PRKN: variants seen among roughly 807,000 people sequenced by gnomAD.
PRKN encodes parkin RBR E3 ubiquitin protein ligase, also known as E3 ubiquitin-protein ligase parkin.
A neutral mutation model predicts 59.5 loss-of-function variants in PRKN; 56 were observed. The observed-to-expected ratio is 0.94, with a 90% confidence interval of 0.76 to 1.18. The LOEUF (loss-of-function observed/expected upper bound fraction) is 1.18, where lower values mean the gene tolerates loss of function less well. PRKN is among the 50% of genes most tolerant of loss of function. The probability of loss-of-function intolerance (pLI) is 0.00; values close to 1 mark genes in which losing one functional copy is unlikely to be tolerated. For missense variants in PRKN, 657 were observed against 596.4 expected, an observed-to-expected ratio of 1.10 and a Z score of -1.06; for synonymous variants, 250 against 222.1, an observed-to-expected ratio of 1.13 and a Z score of -1.12.
chr6:161,832,252 C>A (rs1415961387), intron 6 of PRKN, among the ~76,000 whole-genome samples: 1 of 152,150 alleles, frequency 6.6e-6, no homozygotes, highest in Non-Finnish European at 1.5e-5. Flanking sequence ...CATAGAACCA[C>A]GTATTTTGAA....
At chr6:161,918,138 G>A (rs771411171) in intron 6 of PRKN, among the ~76,000 whole-genome samples, 3 of 152,248 alleles carry the variant, frequency 2.0e-5, no homozygotes, top group East Asian at 3.9e-4. Flanking sequence ...CTGCTGTGCG[G>A]GATTTCTAAC....
intron 3 of PRKN, among the ~76,000 whole-genome samples, chr6:162,223,445 A>G (rs1051337543): frequency 1.3e-5 from 2 of 151,908 alleles, no homozygotes; most frequent in Admixed American, 1.3e-4. Context: ...AGCAGTATAA[A>G]CTGCAGTAAT....
chr6:162,692,851 C>T (rs1480101988), intron 1 of PRKN, among the ~76,000 whole-genome samples: 1 of 152,102 alleles, frequency 6.6e-6, no homozygotes, highest in African/African-American at 2.4e-5. Context: ...TGAGTCCTTT[C>T]AGCAAATCAC....
chr6:161,516,529 GA>G (rs1468657473), intron 9 of PRKN, among the ~76,000 whole-genome samples: 28 of 105,080 alleles, frequency 2.7e-4, no homozygotes, highest in African/African-American at 8.6e-4. Flanking sequence ...AGAAGAAGAA[GA>G]AAAAGAAGAA....
intron 6 of PRKN, among the ~76,000 whole-genome samples, chr6:161,890,514 C>A (rs1035206257): frequency 6.6e-6 from 1 of 152,174 alleles, no homozygotes; most frequent in Non-Finnish European, 1.5e-5. Flanking sequence ...GAGTTTGGGA[C>A]TCATGGGCTG....
chr6:162,664,184 G>A (rs1779007458), intron 1 of PRKN, among the ~76,000 whole-genome samples: 2 of 152,060 alleles, frequency 1.3e-5, no homozygotes, highest in South Asian at 4.1e-4. Context: ...GAGGATGATG[G>A]CTTCCAGCTT....
At chr6:162,203,811 T>C (rs1367250590) in intron 3 of PRKN, among the ~76,000 whole-genome samples, 2 of 152,164 alleles carry the variant, frequency 1.3e-5, no homozygotes, top group African/African-American at 4.8e-5. Context: ...AACTCTTCTG[T>C]ATGGCAGCTT....
intron 9 of PRKN, among the ~76,000 whole-genome samples, chr6:161,493,448 T>C (rs1777630562): frequency 6.6e-6 from 1 of 152,168 alleles, no homozygotes; most frequent in Admixed American, 6.5e-5. Context: ...GAAAGTCTGG[T>C]TCCAGAGCTT....
At chr6:161,733,244 G>A (rs965370725) in intron 7 of PRKN, among the ~76,000 whole-genome samples, 11 of 152,096 alleles carry the variant, frequency 7.2e-5, no homozygotes, top group Non-Finnish European at 4.4e-5. Flanking sequence ...AAAGTCTATG[G>A]AATCTCCTTA....
rs1367830314 is a variant in PRKN at position 161,391,467 on chromosome 6, T to G, written c.1084-4590A>C. ...TTTTTTCGAGAAATTTTAAATGTCTTTAAACAATCATAAAATAATACATAC... is the reference window on the plus strand; with the variant it reads ...TTTTTTCGAGAAATTTTAAATGTCTGTAAACAATCATAAAATAATACATAC... On this transcript the variant is annotated intron_variant, in intron 9 of 11. Coordinates refer to ENST00000366898, the MANE Select transcript of PRKN (RefSeq NM_004562.3). This position sits in a 1 kb window ranked among gnomAD's most constrained non-coding sequence, Gnocchi z 4.9. Among the ~76,000 whole-genome samples, 1 of 152,046 alleles carries G rather than the reference T, an allele frequency of 6.6e-6. No individual in the cohort carries two copies. The highest frequency in any genetic ancestry group is 1.9e-4 in the East Asian group (1 of 5,182).
rs970022634 is a variant in PRKN, at chr6:161,390,626, C to T, written c.1084-3749G>A. On this transcript the variant is annotated intron_variant, in intron 9 of 11. Transcript: ENST00000366898. The surrounding 1 kb of genome is among the most constrained non-coding windows in gnomAD (Gnocchi z 7.0). ...GTCTCAGCCTCCTGAGTAGCTGGGA[C>T]TACAGGCGCCTGCCACCACGCCCGG... Among the ~76,000 whole-genome samples, 4 of 152,014 alleles carry T rather than the reference C, an allele frequency of 2.6e-5. No homozygotes were observed. Among genetic ancestry groups the T allele is most frequent in the Admixed American group, 6.6e-5 (1 of 15,258 alleles).
intron 4 of PRKN, among the ~76,000 whole-genome samples, chr6:162,147,344 GAAAAAAAAAAAA>G (rs767653516): frequency 9.5e-5 from 4 of 42,068 alleles, no homozygotes; most frequent in South Asian, 8.3e-4. Context: ...CTCTGTCTCA[GAAAAAAAAAAAA>G]AAAAAAAAAA....
intron 1 of PRKN, among the ~76,000 whole-genome samples, chr6:162,653,397 AT>A (rs1235918022): frequency 6.6e-6 from 1 of 152,038 alleles, no homozygotes; most frequent in Non-Finnish European, 1.5e-5. Context: ...TATTTTAAGG[AT>A]TTTTCATAAT....
intron 5 of PRKN, among the ~76,000 whole-genome samples, chr6:162,026,930 T>C (rs1323488507): frequency 6.6e-6 from 1 of 152,198 alleles, no homozygotes; most frequent in Non-Finnish European, 1.5e-5. Flanking sequence ...TAATGGACTG[T>C]ACTTCAGGCA....
intron 5 of PRKN, among the ~76,000 whole-genome samples, chr6:162,035,758 G>C (rs1562475402): frequency 6.6e-6 from 1 of 152,096 alleles, no homozygotes; most frequent in African/African-American, 2.4e-5. Context: ...AGACCCTCAA[G>C]GTTAATATAA....
chr6:162,659,417 T>A lies in PRKN; in HGVS notation c.7+68245A>T, dbSNP rs575084841. 2.6e-5 allele frequency among the ~76,000 whole-genome samples: 4 copies of A among 152,266 alleles called. No homozygotes were observed. In the East Asian group the frequency reaches 5.8e-4, roughly 22 times the overall value. On this transcript the variant is annotated intron_variant, in intron 1 of 11. Transcript: ENST00000366898. The stretch of plus-strand genomic sequence containing the variant: ...TACAGATTAAGAAAGTTAACATAAG[T>A]AATGTACCACTATAATTTGAAAATA...
chr6:162,682,595 C>T (rs904030054), intron 1 of PRKN, among the ~76,000 whole-genome samples: 2 of 151,978 alleles, frequency 1.3e-5, no homozygotes, highest in Admixed American at 1.3e-4. Flanking sequence ...GGTACTGGGG[C>T]CTACTTGAGG....
At chr6:162,371,250 C>T (rs1429501947) in intron 2 of PRKN, among the ~76,000 whole-genome samples, 2 of 152,158 alleles carry the variant, frequency 1.3e-5, no homozygotes, top group Non-Finnish European at 2.9e-5. Flanking sequence ...TGGGCCCCGA[C>T]CCAAATCCTC....
intron 1 of PRKN, among the ~76,000 whole-genome samples, chr6:162,503,136 CTTTTTTTTTTTT>C (rs10629175): frequency 1.6e-4 from 13 of 81,116 alleles, no homozygotes; most frequent in African/African-American, 5.5e-4. Flanking sequence ...GTCTTCATTT[CTTTTTTTTTTTT>C]TTTTTTTTTT....
Sources: allele counts gnomAD v4.1 joint callset (sites outside exome capture counted in the v4.1 genomes callset), GRCh38; gene constraint gnomAD v4.1.1; non-coding constraint Gnocchi (gnomAD v3.1); transcripts MANE v1.5; gene names NCBI Gene and HGNC (gene_info 2026-07-23, HGNC 2026-07-21).